The following DLGAP2 variants were observed in gnomAD, a reference collection of about 807,000 sequenced individuals.
The protein encoded by DLGAP2 is disks large-associated protein 2.
In DLGAP2, 26 loss-of-function variants were observed where a neutral mutation model predicts 100.3. The observed-to-expected ratio is 0.26, with a 90% CI of 0.19 to 0.36. DLGAP2 has a LOEUF of 0.36. DLGAP2 is among the 10% of genes least tolerant of loss of function. The pLI is 1.00. For synonymous variants in DLGAP2, 886 were observed against 630.1 expected, an observed-to-expected ratio of 1.41 and a Z score of -6.08; for missense variants, 1,858 against 1,453.2, an observed-to-expected ratio of 1.28 and a Z score of -4.53.
intron 3 of DLGAP2, among the ~76,000 whole-genome samples, chr8:1,387,023 T>C (rs1012721699): frequency 3.3e-5 from 5 of 152,212 alleles, no homozygotes; most frequent in Non-Finnish European, 7.3e-5. Flanking sequence ...TAAATGTTAA[T>C]TGGACGTCAT....
At chr8:1,463,783 G>A (rs1392339905) in intron 3 of DLGAP2, among the ~76,000 whole-genome samples, 1 of 152,258 alleles carries the variant, frequency 6.6e-6, no homozygotes, top group East Asian at 1.9e-4. Flanking sequence ...CACGGGGTGG[G>A]CGAGCAGGTG....
At chr8:826,663 C>T (rs745832123) in intron 1 of DLGAP2, among the ~76,000 whole-genome samples, 2 of 152,018 alleles carry the variant, frequency 1.3e-5, no homozygotes, top group African/African-American at 2.4e-5. Flanking sequence ...TCGAGGGTCC[C>T]GCGCCCCCTC....
chr8:1,369,542 C>G (rs1802188289), intron 3 of DLGAP2: 1 of 152,268 alleles, frequency 6.6e-6, no homozygotes, highest in Non-Finnish European at 1.5e-5. Context: ...GTTTCCCTGT[C>G]TACTTCATTT....
At chr8:1,042,543 C>T (rs1802383821) in intron 2 of DLGAP2, among the ~76,000 whole-genome samples, 2 of 152,128 alleles carry the variant, frequency 1.3e-5, no homozygotes, top group African/African-American at 2.4e-5. Context: ...AAGCGTAGCC[C>T]AGGAAAGCAC....
intron 2 of DLGAP2, among the ~76,000 whole-genome samples, chr8:1,128,151 C>A (rs1309952344): frequency 6.6e-6 from 1 of 152,018 alleles, no homozygotes; most frequent in Non-Finnish European, 1.5e-5. Context: ...TCGGTGAGGA[C>A]CTGCTCCCGG....
intron 2 of DLGAP2, among the ~76,000 whole-genome samples, chr8:917,669 C>T (rs980832034): frequency 2.0e-5 from 3 of 152,214 alleles, no homozygotes; most frequent in African/African-American, 7.2e-5. Flanking sequence ...CAAACTCCAC[C>T]TCCCAGGTTC....
At chr8:1,408,412 T>A (rs1796637275) in intron 3 of DLGAP2, among the ~76,000 whole-genome samples, 1 of 150,454 alleles carries the variant, frequency 6.6e-6, no homozygotes, top group Non-Finnish European at 1.5e-5. Context: ...CACAACCTGT[T>A]AGTTCACCTG....
At chr8:818,799 A>G (rs1796533095) in intron 1 of DLGAP2, among the ~76,000 whole-genome samples, 2 of 152,244 alleles carry the variant, frequency 1.3e-5, no homozygotes, top group Non-Finnish European at 2.9e-5. Context: ...AGTTAGAAGA[A>G]ATAGAAGATG....
intron 5 of DLGAP2, among the ~76,000 whole-genome samples, chr8:1,550,667 G>T (rs1031557304): frequency 2.0e-5 from 3 of 152,142 alleles, no homozygotes; most frequent in African/African-American, 7.2e-5. Flanking sequence ...ATTTACCAAA[G>T]GCAAAAACAA....
chr8:1,438,148 C>T (rs920663403), intron 3 of DLGAP2, among the ~76,000 whole-genome samples: 3 of 152,182 alleles, frequency 2.0e-5, no homozygotes, highest in Non-Finnish European at 4.4e-5. Context: ...GGAGGAAGTG[C>T]TCCCATCGTG....
chr8:896,574 G>T (rs1798146576), intron 1 of DLGAP2, among the ~76,000 whole-genome samples: 1 of 152,124 alleles, frequency 6.6e-6, no homozygotes, highest in Non-Finnish European at 1.5e-5. Context: ...GGAGGGTGGG[G>T]CCCTGGGGGG....
At chr8:858,098 C>G (rs928158323) in intron 1 of DLGAP2, among the ~76,000 whole-genome samples, 2 of 152,182 alleles carry the variant, frequency 1.3e-5, no homozygotes, top group African/African-American at 4.8e-5. Context: ...CTCAGATGAT[C>G]CACCCGCCTT....
chr8:970,017 A>T (rs184196890), intron 2 of DLGAP2, among the ~76,000 whole-genome samples: 1 of 152,350 alleles, frequency 6.6e-6, no homozygotes, highest in East Asian at 1.9e-4. Context: ...GACATGGTTC[A>T]GCAAAAAATT....
At chr8:874,209 T>G (rs1797648952) in intron 1 of DLGAP2, among the ~76,000 whole-genome samples, 1 of 152,070 alleles carries the variant, frequency 6.6e-6, no homozygotes. Flanking sequence ...TTAGTTTCTG[T>G]TTTAATATTA....
At chr8:1,370,311 C>T (rs1038811289) in intron 3 of DLGAP2, among the ~76,000 whole-genome samples, 8 of 152,088 alleles carry the variant, frequency 5.3e-5, no homozygotes, top group African/African-American at 1.7e-4. Flanking sequence ...AGTCACACGG[C>T]GTGATTCATC....
chr8:1,563,440 G>A (rs867218422), intron 5 of DLGAP2, among the ~76,000 whole-genome samples: 2 of 84,522 alleles, frequency 2.4e-5, no homozygotes, highest in African/African-American at 4.5e-5. Context: ...TCCGCGCCTC[G>A]TTACTGGGGG....
At chr8:1,168,897 T>G (rs1265903975) in intron 2 of DLGAP2, among the ~76,000 whole-genome samples, 1 of 98,688 alleles carries the variant, frequency 1.0e-5, no homozygotes, top group Non-Finnish European at 2.2e-5. Flanking sequence ...TAGATCCCAT[T>G]TGTCAATTTT....
At chr8:1,534,586 C>A (rs182120400) in intron 4 of DLGAP2, among the ~76,000 whole-genome samples, 1 of 152,162 alleles carries the variant, frequency 6.6e-6, no homozygotes, top group African/African-American at 2.4e-5. Flanking sequence ...AATCAAAAGA[C>A]ATCTATGAGC....
intron 3 of DLGAP2, among the ~76,000 whole-genome samples, chr8:1,493,592 G>C (rs925801212): frequency 6.6e-6 from 1 of 152,250 alleles, no homozygotes; most frequent in African/African-American, 2.4e-5. Context: ...GATTCTGAAC[G>C]TTGGTTTAAT....
Sources: gnomAD v4.1 joint callset for allele counts (sites outside exome capture counted in the v4.1 genomes callset) on GRCh38, gnomAD v4.1.1 for gene constraint, MANE v1.5 for transcripts, NCBI Gene and HGNC (gene_info 2026-07-23, HGNC 2026-07-21) for gene names.